RPL13A: variants seen among roughly 807,000 people sequenced by gnomAD.
RPL13A encodes the protein ribosomal protein L13a, also known as large ribosomal subunit protein uL13.
Under a neutral mutation model 30.8 loss-of-function variants are expected in RPL13A, and 4 were observed. The observed-to-expected ratio is 0.13, with a 90% confidence interval of 0.06 to 0.30. The LOEUF is 0.30. Ranked by LOEUF, RPL13A falls within the 10% of genes least tolerant of loss-of-function variation. The probability of loss-of-function intolerance (pLI) is 1.00; values close to 1 mark genes in which losing one functional copy is unlikely to be tolerated. For missense variants in RPL13A, 196 were observed against 272.6 expected (o/e 0.72, Z 1.98); for synonymous variants, 108 against 104.2 (o/e 1.04, Z -0.22).
chr19:49,489,323 C>T (rs1360173853), intron 1 of RPL13A, among the ~76,000 whole-genome samples: 2 of 151,946 alleles, frequency 1.3e-5, no homozygotes, highest in Non-Finnish European at 2.9e-5. Flanking sequence ...TGGCAAAACC[C>T]TGACTCAACA....
intron 1 of RPL13A, 85 bp from the exon 2 acceptor site, chr19:49,489,765 T>C (rs1233884293): frequency 2.7e-6 from 3 of 1,122,336 alleles, no homozygotes; most frequent in Non-Finnish European, 4.1e-6. Flanking sequence ...GTTGGCACGG[T>C]AGGACAAAAG....
At chr19:49,491,264 TG>T (rs1568688481) in intron 6 of RPL13A, 160 bp from the exon 7 acceptor site, 3 of 1,166,564 alleles carry the variant, frequency 2.6e-6, no homozygotes, top group Non-Finnish European at 3.8e-6. Flanking sequence ...CCAGGAGGCT[TG>T]GGTGGGTGCT....
At chr19:49,491,133 G>A in intron 6 of RPL13A, 34 bp downstream of exon 6, 1 of 1,611,960 alleles carries the variant, frequency 6.2e-7, no homozygotes, top group Admixed American at 1.7e-5. Flanking sequence ...CATCTACTTG[G>A]GAGATTTCAG....
chr19:49,489,729 T>C, intron 1 of RPL13A, 121 bp from the exon 2 acceptor site: 1 of 810,206 alleles, frequency 1.2e-6, no homozygotes, highest in Non-Finnish European at 2.2e-6. Flanking sequence ...AGTTCCCAGC[T>C]CTGATGGCTG....
At chr19:49,487,770 C>G (rs914286218) in intron 1 of RPL13A, 126 bp downstream of exon 1, 4 of 1,027,672 alleles carry the variant, frequency 3.9e-6, no homozygotes, top group African/African-American at 3.4e-5. Flanking sequence ...AAATGGAAGT[C>G]TTTTGGGATA....
chr19:49,489,489 T>A (rs2079842861), intron 1 of RPL13A, among the ~76,000 whole-genome samples: 1 of 152,174 alleles, frequency 6.6e-6, no homozygotes, highest in African/African-American at 2.4e-5. Context: ...AACCAAATCC[T>A]ACAGTTTATT....
intron 1 of RPL13A, among the ~76,000 whole-genome samples, chr19:49,488,809 G>T (rs2079835269): frequency 6.6e-6 from 1 of 152,248 alleles, no homozygotes; most frequent in Admixed American, 6.5e-5. Context: ...AAGTTCAAGT[G>T]ATTCTCCTGC....
intron 3 of RPL13A, 77 bp downstream of exon 3, chr19:49,490,374 T>C (rs961980920): frequency 1.3e-6 from 2 of 1,587,470 alleles, no homozygotes; most frequent in Admixed American, 3.3e-5. Flanking sequence ...ATTGCAGCCG[T>C]GTTGGGAGAG....
Position 49,490,004 on chromosome 19 carries a change from G to C in RPL13A, c.88+82G>C, listed in dbSNP as rs757240256. ...GCAACATTCACCATCTTTCGTTTGA[G>C]TCTCACGGCCATGAGATCAACCCCA... is the stretch of plus-strand genomic sequence containing the variant. On this transcript the variant is annotated intron_variant, in intron 2 of 7. Coordinates refer to ENST00000391857, the MANE Select transcript of RPL13A (RefSeq NM_012423.4). The C allele has an allele frequency of 3.3e-6, 4 of 1,218,458 alleles. No individual in the cohort carries two copies. The East Asian group carries it at 9.3e-5, about 28-fold the overall frequency. The allele number at this position is 1,218,458 out of a possible 1,614,324, so 75.5% of individuals were successfully genotyped here. A position where few individuals can be genotyped will look rare whatever the true frequency, so the allele number is the denominator to read the frequency against.
intron 6 of RPL13A, 86 bp downstream of exon 6, chr19:49,491,185 GTCCTT>G (rs1356455368): frequency 6.8e-7 from 1 of 1,464,410 alleles, no homozygotes; most frequent in Non-Finnish European, 9.5e-7. Flanking sequence ...GGCAGATGAT[GTCCTT>G]ATCTCACGAT....
chr19:49,489,998 G>A (rs768527487), intron 2 of RPL13A, 76 bp downstream of exon 2: 67 of 1,250,632 alleles, frequency 5.4e-5, no homozygotes, highest in Non-Finnish European at 6.2e-5. Context: ...ACCATCTTTC[G>A]TTTGAGTCTC....
At chr19:49,490,986 C>T in intron 5 of RPL13A, 54 bp from the exon 6 acceptor site, 1 of 1,610,880 alleles carries the variant, frequency 6.2e-7, no homozygotes, top group East Asian at 2.2e-5. Context: ...TCCAGCCGAC[C>T]TCCTTCCCTG....
At chr19:49,490,371 C>T in intron 3 of RPL13A, 74 bp downstream of exon 3, 6 of 1,588,634 alleles carry the variant, frequency 3.8e-6, no homozygotes, top group Non-Finnish European at 5.2e-6. Flanking sequence ...GCAATTGCAG[C>T]CGTGTTGGGA....
At position 49,491,037 on chromosome 19, in the gene RPL13A, C is replaced by A; in HGVS notation, c.343-3C>A. 2 of 1,614,232 alleles carry A rather than the reference C, an allele frequency of 1.2e-6. No homozygotes were observed. The highest frequency in any genetic ancestry group is 1.3e-5 in the African/African-American group (1 of 75,082). On this transcript the variant is annotated splice_polypyrimidine_tract_variant and splice_region_variant and intron_variant, in intron 5 of 7. Transcript: ENST00000391857. ...CTCTTAAGCCCCTCTCTTTCTCTAA[C>A]AGAAAAAGCGGATGGTGGTTCCTGC...
rs1041472464 is a variant in RPL13A at position 49,487,664 on chromosome 19, C to A, written c.15+20C>A. Reference sequence around the variant, plus strand: ...GTGCAGGTATGGGCTCCGCGCGGGCCGGGGCGGCAAGGGGCCGGGTGGGAT... The same window carrying A: ...GTGCAGGTATGGGCTCCGCGCGGGCAGGGGCGGCAAGGGGCCGGGTGGGAT... On this transcript the variant is annotated intron_variant, in intron 1 of 7. Transcript: ENST00000391857. The A allele has an allele frequency of 3.7e-5, 57 of 1,525,650 alleles. No individual in the cohort carries two copies. The highest frequency in any genetic ancestry group is 4.9e-5 in the Non-Finnish European group (56 of 1,139,352). The allele number at this position is 1,525,650 out of a possible 1,614,324, so 94.5% of individuals were successfully genotyped here.
chr19:49,491,626 T>C, intron 7 of RPL13A, 79 bp downstream of exon 7: 3 of 1,561,646 alleles, frequency 1.9e-6, no homozygotes, highest in Admixed American at 1.9e-5. Flanking sequence ...CAGAGTACTC[T>C]TAACTGGCAA....
rs531762490 is a variant in RPL13A, at chr19:49,491,297, A to G, written c.403-128A>G. The G allele has an allele frequency of 2.4e-5, 27 of 1,146,252 alleles. No individual in the cohort carries two copies. The East Asian group carries it at 4.9e-4, about 21-fold the overall frequency. 71.0% of individuals were successfully genotyped at this position (1,146,252 alleles called of 1,614,324 possible). A position where few individuals can be genotyped will look rare whatever the true frequency, so the allele number is the denominator to read the frequency against. ...TGCTTTTCTAACAGGCCTGCAGAGA[A>G]CAGTTGCATTATGATATGCCCAGCT... On this transcript the variant is annotated intron_variant, in intron 6 of 7. Transcript: ENST00000391857.
intron 3 of RPL13A, 32 bp downstream of exon 3, chr19:49,490,329 G>T: frequency 6.2e-7 from 1 of 1,609,604 alleles, no homozygotes; most frequent in South Asian, 1.1e-5. Flanking sequence ...GCACTGGAGA[G>T]GGTCTCCCTG....
chr19:49,488,370 G>A lies in RPL13A; in HGVS notation c.15+726G>A, dbSNP rs78155281. On this transcript the variant is annotated intron_variant, in intron 1 of 7. Transcript: ENST00000391857. ...CTACTTAAGTATAAAGGAGGGATTG[G>A]CCCTGGAAAGGTTTCTTTGTGAGTA... Among the ~76,000 whole-genome samples, 80 of 152,266 alleles carry A rather than the reference G, an allele frequency of 5.3e-4. No homozygotes were observed. In the East Asian group the frequency reaches 0.012, roughly 22 times the overall value.
Sources: allele counts gnomAD v4.1 joint callset (sites outside exome capture counted in the v4.1 genomes callset), GRCh38; gene constraint gnomAD v4.1.1; transcripts MANE v1.5; gene names NCBI Gene and HGNC (gene_info 2026-07-23, HGNC 2026-07-21).